NUDT3: variants seen among roughly 807,000 people sequenced by gnomAD.
NUDT3 encodes nudix hydrolase 3.
In NUDT3, 9 loss-of-function variants were observed where a neutral mutation model predicts 23.6. The observed-to-expected ratio is 0.38, with a 90% CI of 0.23 to 0.66. NUDT3 has a LOEUF of 0.66. NUDT3 is among the 30% of genes least tolerant of loss of function. The pLI is 0.52. For missense variants in NUDT3, 172 were observed against 218.5 expected (o/e 0.79, Z 1.34); for synonymous variants, 86 against 82.6 (o/e 1.04, Z -0.22).
intron 2 of NUDT3, among the ~76,000 whole-genome samples, chr6:34,320,311 C>A (rs549772063): frequency 6.6e-6 from 1 of 152,076 alleles, no homozygotes; most frequent in African/African-American, 2.4e-5. Flanking sequence ...CTGCAACCTC[C>A]GCCTCCCGGG....
chr6:34,383,507 C>A (rs1010348682), intron 1 of NUDT3, among the ~76,000 whole-genome samples: 1 of 152,184 alleles, frequency 6.6e-6, no homozygotes, highest in Non-Finnish European at 1.5e-5. Context: ...CCCACGTAGG[C>A]CTCCCAAAAT....
chr6:34,347,244 A>G (rs994533652), intron 1 of NUDT3, among the ~76,000 whole-genome samples: 1 of 152,362 alleles, frequency 6.6e-6, no homozygotes, highest in East Asian at 1.9e-4. Flanking sequence ...CACTAAGGGG[A>G]AAAATTACCT....
intron 2 of NUDT3, among the ~76,000 whole-genome samples, chr6:34,330,603 C>G (rs1455967704): frequency 6.6e-6 from 1 of 151,966 alleles, no homozygotes; most frequent in Non-Finnish European, 1.5e-5. Context: ...TTGAGACCAG[C>G]CTGGGCAACA....
intron 1 of NUDT3, among the ~76,000 whole-genome samples, chr6:34,362,114 T>C (rs1764660286): frequency 6.6e-6 from 1 of 152,222 alleles, no homozygotes; most frequent in Admixed American, 6.5e-5. Context: ...CTCTGTACTT[T>C]ACACTCAATT....
At chr6:34,329,037 T>TA (rs903000566) in intron 2 of NUDT3, among the ~76,000 whole-genome samples, 4 of 152,118 alleles carry the variant, frequency 2.6e-5, no homozygotes, top group Non-Finnish European at 5.9e-5. Context: ...ATTAATGAAC[T>TA]AAAAAACTGG....
At chr6:34,368,627 C>G (rs1179965451) in intron 1 of NUDT3, among the ~76,000 whole-genome samples, 1 of 152,110 alleles carries the variant, frequency 6.6e-6, no homozygotes, top group Non-Finnish European at 1.5e-5. Flanking sequence ...GAAACAGTAG[C>G]TCTGCTTTTG....
intron 1 of NUDT3, among the ~76,000 whole-genome samples, chr6:34,363,520 A>G (rs565663819): frequency 6.6e-6 from 1 of 152,356 alleles, no homozygotes; most frequent in South Asian, 2.1e-4. Context: ...GGTAAGAAGC[A>G]AACTCAGCAG....
At chr6:34,289,081 AATATT>A (rs1272620171) in intron 4 of NUDT3, 150 bp from the exon 5 acceptor site, 7 of 1,014,610 alleles carry the variant, frequency 6.9e-6, no homozygotes, top group Non-Finnish European at 9.5e-6. Context: ...ATATGCTTCA[AATATT>A]ATATCAATGT....
chr6:34,312,401 CAAAA>C (rs71000050), intron 2 of NUDT3, among the ~76,000 whole-genome samples: 5 of 97,210 alleles, frequency 5.1e-5, no homozygotes, highest in East Asian at 2.9e-4. Flanking sequence ...GACTCATCAC[CAAAA>C]AAAAAAAAAA....
At chr6:34,292,919 G>T (rs945529857) in intron 4 of NUDT3, among the ~76,000 whole-genome samples, 2 of 152,184 alleles carry the variant, frequency 1.3e-5, no homozygotes, top group Admixed American at 1.3e-4. Context: ...ATTTTTAGGG[G>T]TCATGCTTCT....
chr6:34,304,412 GAAAGGAAAGGAAAAGAAAGGAA>G (rs1763645916), intron 2 of NUDT3, among the ~76,000 whole-genome samples: 1 of 151,654 alleles, frequency 6.6e-6, no homozygotes. Flanking sequence ...AGAAGGAAAG[GAAAGGAAAGGAAAAGAAAGGAA>G]AAAGGAAAGG....
At chr6:34,333,687 T>C (rs1458500538) in intron 2 of NUDT3, among the ~76,000 whole-genome samples, 2 of 152,232 alleles carry the variant, frequency 1.3e-5, no homozygotes, top group East Asian at 3.8e-4. Context: ...GTGCTGCAGA[T>C]GGTACTTAAC....
rs533124253 is a variant in NUDT3 at position 34,380,307 on chromosome 6, C to T, written c.99+11957G>A. Among the ~76,000 whole-genome samples the T allele has an allele frequency of 1.1e-4, 16 of 152,194 alleles. No individual in the cohort carries two copies. In the South Asian group the frequency reaches 2.9e-3, roughly 28 times the overall value. ...CCTCAGGTGATCCACCCTCCTCGGC[C>T]TCCCAAAGTGCTGGGATTACAGGCG... On this transcript the variant is annotated intron_variant, in intron 1 of 4. Transcript: ENST00000607016.
At chr6:34,385,588 C>T (rs973595780) in intron 1 of NUDT3, among the ~76,000 whole-genome samples, 25 of 150,902 alleles carry the variant, frequency 1.7e-4, no homozygotes, top group Non-Finnish European at 3.2e-4. Flanking sequence ...AACCTAAAAA[C>T]ATTCATGAAG....
At chr6:34,308,824 A>G (rs915341890) in intron 2 of NUDT3, among the ~76,000 whole-genome samples, 4 of 151,940 alleles carry the variant, frequency 2.6e-5, no homozygotes, top group African/African-American at 9.7e-5. Context: ...TGCAAGGAGA[A>G]GTAGATGAAT....
chr6:34,317,352 C>A (rs182325116), intron 2 of NUDT3, among the ~76,000 whole-genome samples: 10 of 152,092 alleles, frequency 6.6e-5, no homozygotes, highest in Non-Finnish European at 1.5e-5. Context: ...AACCACCTAC[C>A]TACTGTATTT....
At chr6:34,326,749 C>T (rs574620346) in intron 2 of NUDT3, among the ~76,000 whole-genome samples, 1 of 152,114 alleles carries the variant, frequency 6.6e-6, no homozygotes, top group East Asian at 1.9e-4. Context: ...TATAGGCACC[C>T]GCCACCATGC....
intron 1 of NUDT3, among the ~76,000 whole-genome samples, chr6:34,356,435 A>G (rs1035589897): frequency 3.3e-5 from 5 of 152,172 alleles, no homozygotes; most frequent in South Asian, 2.1e-4. Flanking sequence ...AATATACAAT[A>G]TAAGTCTAAA....
intron 1 of NUDT3, among the ~76,000 whole-genome samples, chr6:34,344,444 C>A (rs1023300291): frequency 1.3e-5 from 2 of 152,078 alleles, no homozygotes; most frequent in Non-Finnish European, 2.9e-5. Context: ...GCACAGAAGG[C>A]CACATATTGT....
Sources: gnomAD v4.1 joint callset for allele counts (sites outside exome capture counted in the v4.1 genomes callset) on GRCh38, gnomAD v4.1.1 for gene constraint, MANE v1.5 for transcripts, NCBI Gene and HGNC (gene_info 2026-07-23, HGNC 2026-07-21) for gene names.